The following FHIT variants were observed in gnomAD, a reference collection of about 807,000 sequenced individuals.
FHIT encodes the protein fragile histidine triad diadenosine triphosphatase.
In FHIT, 19 loss-of-function variants were observed where a neutral mutation model predicts 17.9. That is an observed-to-expected ratio of 1.06 (90% CI 0.74 to 1.56). FHIT has a LOEUF of 1.56. Ranked by LOEUF, FHIT falls within the 40% of genes most tolerant of loss-of-function variation. FHIT has a pLI of 0.00. For synonymous variants in FHIT, 81 were observed against 69.7 expected, an observed-to-expected ratio of 1.16 and a Z score of -0.81; for missense variants, 248 against 189.2, an observed-to-expected ratio of 1.31 and a Z score of -1.82.
intron 5 of FHIT, among the ~76,000 whole-genome samples, chr3:60,036,493 C>T (rs1246224396): frequency 1.3e-5 from 2 of 152,014 alleles, no homozygotes; most frequent in Non-Finnish European, 2.9e-5. Flanking sequence ...CCAAAGACTT[C>T]GAATACCCTG....
intron 4 of FHIT, among the ~76,000 whole-genome samples, chr3:60,613,854 G>A (rs1429675261): frequency 3.9e-5 from 6 of 152,056 alleles, no homozygotes; most frequent in Non-Finnish European, 4.4e-5. Flanking sequence ...GAGACTCCTG[G>A]ATGCTACACA....
intron 4 of FHIT, among the ~76,000 whole-genome samples, chr3:60,573,024 C>A (rs2037440727): frequency 6.6e-6 from 1 of 152,134 alleles, no homozygotes; most frequent in African/African-American, 2.4e-5. Context: ...TACAAAATAT[C>A]CCAAGTTACA....
intron 3 of FHIT, among the ~76,000 whole-genome samples, chr3:60,893,410 A>T (rs1437741034): frequency 2.6e-5 from 4 of 152,320 alleles, no homozygotes; most frequent in African/African-American, 7.2e-5. Flanking sequence ...GTCTTTTGTT[A>T]TAGAGCCCTA....
intron 3 of FHIT, among the ~76,000 whole-genome samples, chr3:60,958,850 C>A (rs1553779695): frequency 6.6e-6 from 1 of 152,132 alleles, no homozygotes; most frequent in African/African-American, 2.4e-5. Flanking sequence ...CAAATGTCTT[C>A]TTTGGAAAGA....
intron 2 of FHIT, among the ~76,000 whole-genome samples, chr3:61,052,195 CTCG>C (rs1174776152): frequency 6.6e-6 from 1 of 152,218 alleles, no homozygotes; most frequent in Non-Finnish European, 1.5e-5. Flanking sequence ...AAGTACCACA[CTCG>C]TGTTCTTCCC....
intron 2 of FHIT, among the ~76,000 whole-genome samples, chr3:61,071,696 T>C (rs896789176): frequency 6.6e-6 from 1 of 152,068 alleles, no homozygotes; most frequent in African/African-American, 2.4e-5. Flanking sequence ...AGTATTTCCA[T>C]ATATATTTCT....
At chr3:59,785,635 A>T (rs1430801270) in intron 8 of FHIT, among the ~76,000 whole-genome samples, 3 of 152,138 alleles carry the variant, frequency 2.0e-5, no homozygotes, top group Non-Finnish European at 4.4e-5. Context: ...TTCCTTTTTC[A>T]GTGCATGTAT....
intron 5 of FHIT, among the ~76,000 whole-genome samples, chr3:60,065,862 T>C (rs125634): frequency 0.1 from 15,669 of 152,126 alleles, 856 homozygotes; most frequent in South Asian, 0.14. Flanking sequence ...GATTTTCCAG[T>C]AGCAACACTG....
At chr3:60,759,041 G>A (rs1358119457) in intron 4 of FHIT, among the ~76,000 whole-genome samples, 1 of 152,124 alleles carries the variant, frequency 6.6e-6, no homozygotes, top group Non-Finnish European at 1.5e-5. Flanking sequence ...GGTGTGGGTG[G>A]CACTTTTGAG....
chr3:60,139,723 C>T (rs914678898), intron 5 of FHIT, among the ~76,000 whole-genome samples: 5 of 151,876 alleles, frequency 3.3e-5, no homozygotes, highest in African/African-American at 1.2e-4. Flanking sequence ...TCCAGAAATA[C>T]GTGTTGTATG....
intron 3 of FHIT, among the ~76,000 whole-genome samples, chr3:60,889,848 A>G (rs2107169226): frequency 6.6e-6 from 1 of 152,316 alleles, no homozygotes; most frequent in East Asian, 1.9e-4. Flanking sequence ...AGACAGGACA[A>G]AAAGGTAAAC....
At chr3:59,800,028 G>A (rs1575515695) in intron 8 of FHIT, among the ~76,000 whole-genome samples, 1 of 152,224 alleles carries the variant, frequency 6.6e-6, no homozygotes, top group Non-Finnish European at 1.5e-5. Context: ...TATCAAGGAA[G>A]TGAAAACCAT....
chr3:60,814,872 T>G (rs964431752), intron 4 of FHIT, among the ~76,000 whole-genome samples: 7 of 146,802 alleles, frequency 4.8e-5, no homozygotes, highest in African/African-American at 1.0e-4. Flanking sequence ...CAACATGTGG[T>G]TTTTTTTTGT....
At chr3:61,140,010 T>C (rs1472530967) in intron 2 of FHIT, among the ~76,000 whole-genome samples, 1 of 139,590 alleles carries the variant, frequency 7.2e-6, no homozygotes, top group Non-Finnish European at 1.5e-5. Context: ...CAGCTGTCCA[T>C]GCAAGAGAAA....
intron 5 of FHIT, among the ~76,000 whole-genome samples, chr3:60,472,773 A>G (rs2033153362): frequency 6.6e-6 from 1 of 152,192 alleles, no homozygotes; most frequent in Non-Finnish European, 1.5e-5. Context: ...TTCTGACAGG[A>G]GAGAAAAATG....
chr3:59,776,592 C>A (rs9813457), intron 8 of FHIT, among the ~76,000 whole-genome samples: 3,598 of 152,208 alleles, frequency 0.024, 117 homozygotes, highest in East Asian at 0.15. Flanking sequence ...GAACCATGTG[C>A]CCCCTGATGA....
chr3:61,050,143 C>T (rs759122283), intron 2 of FHIT, among the ~76,000 whole-genome samples: 3 of 152,170 alleles, frequency 2.0e-5, no homozygotes, highest in South Asian at 4.1e-4. Flanking sequence ...TTAAATAAAT[C>T]GGTTTGCTTT....
intron 5 of FHIT, among the ~76,000 whole-genome samples, chr3:60,111,719 G>A (rs1418094973): frequency 6.6e-6 from 1 of 152,176 alleles, no homozygotes; most frequent in East Asian, 1.9e-4. Flanking sequence ...CACTGAAGAA[G>A]TAAGAAAAAA....
chr3:60,278,520 A>C (rs1707278906), intron 5 of FHIT, among the ~76,000 whole-genome samples: 1 of 152,140 alleles, frequency 6.6e-6, no homozygotes, highest in Non-Finnish European at 1.5e-5. Flanking sequence ...CTGAGACCTC[A>C]TCACCACGTG....
Sources: allele counts gnomAD v4.1 joint callset (sites outside exome capture counted in the v4.1 genomes callset), GRCh38; gene constraint gnomAD v4.1.1; transcripts MANE v1.5; gene names NCBI Gene and HGNC (gene_info 2026-07-23, HGNC 2026-07-21).